Variants in FMO1 observed in about 807,000 individuals in gnomAD.
The protein encoded by FMO1 is flavin containing dimethylaniline monoxygenase 1.
Under a neutral mutation model 45.4 loss-of-function variants are expected in FMO1, and 36 were observed. That is an observed-to-expected ratio of 0.79 (90% CI 0.61 to 1.05). The LOEUF is 1.05. Ranked by LOEUF, FMO1 falls within the 50% of genes least tolerant of loss-of-function variation. The pLI is 0.00. For synonymous variants in FMO1, 228 were observed against 227.2 expected, an observed-to-expected ratio of 1.00 and a Z score of -0.03; for missense variants, 615 against 640.3, an observed-to-expected ratio of 0.96 and a Z score of 0.43.
Position 171,285,250 on chromosome 1 carries a change from C to A in FMO1, c.1305C>A (p.Tyr435Ter). Residue 435 changes from tyrosine to a stop codon, truncating the protein, a stop_gained, in exon 9 of 9, where the codon TAC (tyrosine) becomes TAA (stop). Coordinates refer to ENST00000617670, the MANE Select transcript of FMO1 (RefSeq NM_001282693.2). LOFTEE classifies it low-confidence loss of function (END_TRUNC). ...CTTTACAATCAGATTATATCACATA[C>A]ATAGATGAACTCCTGACCTATATCA... ...CKALQSDYIT[Y>*]IDELLTYINA... The A allele has an allele frequency of 6.2e-7, 1 of 1,613,496 alleles. No individual in the cohort carries two copies. The highest frequency in any genetic ancestry group is 8.5e-7 in the Non-Finnish European group (1 of 1,179,662).
chr1:171,271,384 G>A (rs1423471473), intron 3 of FMO1: 2 of 1,165,244 alleles, frequency 1.7e-6, no homozygotes, highest in Admixed American at 1.7e-5. Flanking sequence ...TTCATAATGG[G>A]CCTTGTCACC....
Position 171,275,398 on chromosome 1 carries a change from G to T in FMO1, c.374G>T (p.Trp125Leu), listed in dbSNP as rs1412506618. 1 of 1,613,886 alleles carries T rather than the reference G, an allele frequency of 6.2e-7. No individual in the cohort carries two copies. The highest frequency in any genetic ancestry group is 1.7e-5 in the Admixed American group (1 of 60,006). Residue 125 changes from tryptophan to leucine, a missense_variant, in exon 4 of 9, where the codon TGG (tryptophan) becomes TTG (leucine). Coordinates refer to ENST00000617670, the MANE Select transcript of FMO1 (RefSeq NM_001282693.2). ...KCSDSAVSGQ[W>L]EVVTMHEEKQ... ...TCAGATTCTGCTGTCTCTGGCCAATGGGAGGTGGTCACTATGCATGAAGAG... is the reference window on the plus strand; with the variant it reads ...TCAGATTCTGCTGTCTCTGGCCAATTGGAGGTGGTCACTATGCATGAAGAG...
At position 171,282,048 on chromosome 1, in the gene FMO1, A is replaced by G; in HGVS notation, c.898A>G (p.Arg300Gly). ...CATCATCACTGGGAAAGTGTTCATC[A>G]GGCCAAGCATAAAAGAGGTAAAGGA... ...GRIITGKVFI[R>G]PSIKEVKENS... Residue 300 changes from arginine to glycine, a missense_variant, in exon 7 of 9, where the codon AGG (arginine) becomes GGG (glycine). Arg to Gly is a moderately radical substitution (Grantham distance 125). Transcript: ENST00000617670. 1 of 1,613,770 alleles carries G rather than the reference A, an allele frequency of 6.2e-7. No individual in the cohort carries two copies. The highest frequency in any genetic ancestry group is 8.5e-7 in the Non-Finnish European group (1 of 1,179,876).
At chr1:171,259,817 T>C (rs1558005986) in intron 2 of FMO1, among the ~76,000 whole-genome samples, 1 of 152,196 alleles carries the variant, frequency 6.6e-6, no homozygotes, top group Non-Finnish European at 1.5e-5. Flanking sequence ...AGCTGTGTGA[T>C]GCAGGTAGGT....
chr1:171,249,472 C>A (rs920464330), intron 1 of FMO1, among the ~76,000 whole-genome samples: 1 of 152,040 alleles, frequency 6.6e-6, no homozygotes, highest in Non-Finnish European at 1.5e-5. Context: ...GACAGAAATC[C>A]CAGAGTATGG....
At chr1:171,256,590 T>C (rs968567659) in intron 1 of FMO1, among the ~76,000 whole-genome samples, 5 of 152,118 alleles carry the variant, frequency 3.3e-5, no homozygotes, top group Admixed American at 2.6e-4. Context: ...TATATCCAGT[T>C]GCTATGGGAA....
chr1:171,257,254 T>A lies in FMO1; in HGVS notation c.-6-828T>A, dbSNP rs547189057. Among the ~76,000 whole-genome samples the A allele has an allele frequency of 2.6e-5, 4 of 152,232 alleles. No homozygotes were observed. The South Asian group carries it at 8.3e-4, about 32-fold the overall frequency. The stretch of plus-strand genomic sequence containing the variant: ...CAGCCTGGATCCAGAGCCTGGTTGC[T>A]TAATCAATGCACTCTGTTGCCTCTC... On this transcript the variant is annotated intron_variant, in intron 1 of 8. Coordinates refer to ENST00000617670, the MANE Select transcript of FMO1 (RefSeq NM_001282693.2).
chr1:171,272,376 G>T (rs971179594), intron 3 of FMO1, among the ~76,000 whole-genome samples: 2 of 152,224 alleles, frequency 1.3e-5, no homozygotes, highest in African/African-American at 4.8e-5. Flanking sequence ...AGGGAAATGT[G>T]GGGTCAGAGT....
At chr1:171,263,422 T>C (rs1182857889) in intron 2 of FMO1, among the ~76,000 whole-genome samples, 1 of 152,180 alleles carries the variant, frequency 6.6e-6, no homozygotes, top group Non-Finnish European at 1.5e-5. Context: ...AGGCCTATTC[T>C]GTTAAGAACT....
intron 5 of FMO1, 28 bp downstream of exon 5, chr1:171,278,899 A>G: frequency 6.4e-7 from 1 of 1,557,680 alleles, no homozygotes; most frequent in Non-Finnish European, 8.7e-7. Flanking sequence ...CTGGGTGAAG[A>G]GCTTTATCTT....
At position 171,271,123 on chromosome 1, in the gene FMO1, T is replaced by C. The variant is rs550888909; in HGVS notation, c.321+3392T>C. 4.6e-5 allele frequency: 41 copies of C among 887,496 alleles called. No individual in the cohort carries two copies. The Admixed American group carries it at 5.3e-4, about 11-fold the overall frequency. The allele number at this position is 887,496 out of a possible 1,614,324, so 55.0% of individuals were successfully genotyped here. A position where few individuals can be genotyped will look rare whatever the true frequency, so the allele number is the denominator to read the frequency against. On this transcript the variant is annotated intron_variant, in intron 3 of 8. Coordinates refer to ENST00000617670, the MANE Select transcript of FMO1 (RefSeq NM_001282693.2). ...AGCTCAATATGCAGCAATATCCTTT[T>C]TGTATTTTTCCTTTAGCTTTGCAGC...
In FMO1 at chr1:171,280,795, A is replaced by AG; in HGVS notation, c.638dup (p.Ser213ArgfsTer14). The stretch of plus-strand genomic sequence containing the variant: ...CTTTGATTGCTTCCAGGTGTTCCTC[A>AG]GCACCACCGGAGGGGGATGGGTGAT... On this transcript the variant is annotated frameshift_variant, in exon 6 of 9. Coordinates refer to ENST00000617670, the MANE Select transcript of FMO1 (RefSeq NM_001282693.2). LOFTEE classifies it high-confidence loss of function. 6.2e-7 allele frequency: 1 copy of AG among 1,612,438 alleles called. No homozygotes were observed. Among genetic ancestry groups the AG allele is most frequent in the Non-Finnish European group, 8.5e-7 (1 of 1,179,632 alleles).
chr1:171,268,825 T>C (rs1660726956), intron 3 of FMO1, among the ~76,000 whole-genome samples: 1 of 152,246 alleles, frequency 6.6e-6, no homozygotes. Context: ...CTGATATGGT[T>C]TGGCTGTGTC....
intron 2 of FMO1, among the ~76,000 whole-genome samples, chr1:171,259,133 T>C (rs1364877196): frequency 6.6e-6 from 1 of 152,190 alleles, no homozygotes; most frequent in Non-Finnish European, 1.5e-5. Context: ...TAGCCCCGCC[T>C]CAGATCCCCT....
chr1:171,256,300 G>C (rs986693130), intron 1 of FMO1, among the ~76,000 whole-genome samples: 1 of 146,840 alleles, frequency 6.8e-6, no homozygotes, highest in Non-Finnish European at 1.5e-5. Context: ...AAAAAGAGTA[G>C]CATTCTATCC....
intron 2 of FMO1, among the ~76,000 whole-genome samples, chr1:171,263,942 T>C (rs949596499): frequency 4.6e-5 from 7 of 152,128 alleles, no homozygotes; most frequent in African/African-American, 1.7e-4. Flanking sequence ...CCTGTATATA[T>C]GCTAAATACT....
chr1:171,283,345 T>C (rs945040897), intron 8 of FMO1, 129 bp downstream of exon 8: 8 of 484,458 alleles, frequency 1.7e-5, no homozygotes, highest in Admixed American at 4.5e-5. Context: ...GAAAGTTACA[T>C]TGGAGAAAAA....
intron 3 of FMO1, chr1:171,271,655 G>A (rs981791005): frequency 1.4e-6 from 1 of 701,210 alleles, no homozygotes; most frequent in East Asian, 2.5e-5. Flanking sequence ...ACTTGCCCCA[G>A]TGCTGTCTCT....
At chr1:171,266,496 T>C (rs1172953476) in intron 2 of FMO1, among the ~76,000 whole-genome samples, 1 of 152,222 alleles carries the variant, frequency 6.6e-6, no homozygotes, top group African/African-American at 2.4e-5. Flanking sequence ...GACAAGCAGG[T>C]TGTAATCAAC....
Sources: allele counts gnomAD v4.1 joint callset (sites outside exome capture counted in the v4.1 genomes callset), GRCh38; gene constraint gnomAD v4.1.1; transcripts MANE v1.5; gene names NCBI Gene and HGNC (gene_info 2026-07-23, HGNC 2026-07-21).